The following CEP152 variants were observed in gnomAD, a reference collection of about 807,000 sequenced individuals.
CEP152 encodes centrosomal protein of 152 kDa.
In CEP152, 132 loss-of-function variants were observed where a neutral mutation model predicts 188.9. The observed-to-expected ratio is 0.70, with a 90% CI of 0.61 to 0.81. The LOEUF is 0.81. Among genes scored for constraint, CEP152 ranks in the 30% least tolerant of loss-of-function variants. The probability of loss-of-function intolerance (pLI) is 0.00; values close to 1 mark genes in which losing one functional copy is unlikely to be tolerated. For synonymous variants in CEP152, 649 were observed against 666.6 expected, an observed-to-expected ratio of 0.97 and a Z score of 0.41; for missense variants, 1,914 against 1,969.8, an observed-to-expected ratio of 0.97 and a Z score of 0.54.
chr15:48,758,718 C>CAAAAA (rs869223881), intron 19 of CEP152, among the ~76,000 whole-genome samples: 741 of 69,380 alleles, frequency 0.011, 35 homozygotes, highest in Non-Finnish European at 0.015. Flanking sequence ...GACTCCATCT[C>CAAAAA]AAAAAAAAAA....
intron 18 of CEP152, among the ~76,000 whole-genome samples, chr15:48,760,699 G>A (rs768713741): frequency 2.6e-5 from 4 of 152,110 alleles, no homozygotes; most frequent in Admixed American, 6.5e-5. Context: ...CTAGTTTAGA[G>A]CCCTACACCT....
chr15:48,767,166 T>A lies in CEP152; in HGVS notation c.2174A>T (p.Glu725Val). 6.2e-7 allele frequency: 1 copy of A among 1,613,856 alleles called. No homozygotes were observed. The highest frequency in any genetic ancestry group is 8.5e-7 in the Non-Finnish European group (1 of 1,180,026). The change falls in exon 17 of 27, where the codon GAG becomes GTG. Residue 725 changes from glutamate to valine, a missense_variant. By Grantham distance (121) the Glu-to-Val change is moderately radical. Transcript: ENST00000380950. ...GTAACATTCCTGCACAGCAGTCACC[T>A]CCTTATTCAACTTATCCAACTCAGA... ...LRSELDKLNK[E>V]VTAVQECYLE...
At chr15:48,755,831 G>GA (rs1324122741) in intron 20 of CEP152, 72 bp downstream of exon 20, 7 of 1,597,564 alleles carry the variant, frequency 4.4e-6, no homozygotes, top group Non-Finnish European at 4.2e-6. Context: ...AGGAAAAAAG[G>GA]AAAAAACACT....
intron 26 of CEP152, chr15:48,741,363 T>G: frequency 7.5e-7 from 1 of 1,328,604 alleles, no homozygotes; most frequent in African/African-American, 1.5e-5. Context: ...GTTTAAAATC[T>G]TTTCTATCAT....
chr15:48,797,170 T>C (rs1179218407), intron 5 of CEP152, 131 bp downstream of exon 5: 6 of 964,294 alleles, frequency 6.2e-6, no homozygotes, highest in Non-Finnish European at 9.8e-6. Flanking sequence ...CCTGAATAAG[T>C]GCCCTCTCAG....
chr15:48,807,497 G>T (rs1473795012), intron 1 of CEP152, among the ~76,000 whole-genome samples: 1 of 151,362 alleles, frequency 6.6e-6, no homozygotes, highest in Admixed American at 6.6e-5. Context: ...GGAGCTTGCA[G>T]TGAGCCGAGA....
intron 7 of CEP152, among the ~76,000 whole-genome samples, chr15:48,792,859 C>A (rs986262133): frequency 6.6e-6 from 1 of 151,724 alleles, no homozygotes; most frequent in African/African-American, 2.4e-5. Context: ...CTCTGTCACC[C>A]AGCCTGAAGT....
intron 20 of CEP152, among the ~76,000 whole-genome samples, chr15:48,753,661 A>G (rs1894050626): frequency 6.6e-6 from 1 of 152,212 alleles, no homozygotes; most frequent in South Asian, 2.1e-4. Flanking sequence ...AAAAGTCAAG[A>G]TAACAGAAAA....
intron 1 of CEP152, 107 bp from the exon 2 acceptor site, chr15:48,805,763 A>T: frequency 6.8e-7 from 1 of 1,464,244 alleles, no homozygotes; most frequent in Non-Finnish European, 9.4e-7. Context: ...ACAGAAACAG[A>T]CTGGGAGAAA....
chr15:48,765,843 G>A (rs1018547187), intron 17 of CEP152, among the ~76,000 whole-genome samples: 4 of 151,348 alleles, frequency 2.6e-5, no homozygotes, highest in South Asian at 2.1e-4. Context: ...TAGTAGAGAC[G>A]GGGTTTCACC....
At chr15:48,805,435 G>T in intron 2 of CEP152, 128 bp downstream of exon 2, 1 of 1,278,240 alleles carries the variant, frequency 7.8e-7, no homozygotes, top group Non-Finnish European at 1.1e-6. Context: ...AGATTTTAGG[G>T]TTGTTTTTTT....
intron 12 of CEP152, among the ~76,000 whole-genome samples, chr15:48,780,427 T>A (rs761598264): frequency 6.6e-6 from 1 of 152,170 alleles, no homozygotes; most frequent in Non-Finnish European, 1.5e-5. Flanking sequence ...TAGAGCAAAC[T>A]TTTCAGGACA....
At chr15:48,748,319 C>T in intron 22 of CEP152, 124 bp downstream of exon 22, 2 of 1,283,666 alleles carry the variant, frequency 1.6e-6, no homozygotes, top group South Asian at 2.9e-5. Context: ...AAATAAGATC[C>T]AAATTAGTTT....
intron 1 of CEP152, among the ~76,000 whole-genome samples, chr15:48,806,962 T>G (rs1437876248): frequency 6.6e-6 from 1 of 152,100 alleles, no homozygotes; most frequent in Non-Finnish European, 1.5e-5. Context: ...TGAACTTCAG[T>G]GGTAAAAATC....
At chr15:48,790,848 G>A (rs1010116066) in intron 8 of CEP152, among the ~76,000 whole-genome samples, 8 of 152,158 alleles carry the variant, frequency 5.3e-5, no homozygotes, top group Non-Finnish European at 1.0e-4. Flanking sequence ...GATTACAGGC[G>A]TGAGCCACTG....
At chr15:48,735,803 G>T (rs371537791), downstream of CEP152, among the ~76,000 whole-genome samples, 6 of 151,860 alleles carry the variant, frequency 4.0e-5, no homozygotes, top group African/African-American at 1.4e-4. Context: ...AGAAGGAAGA[G>T]GGAAAAATCA....
chr15:48,759,106 G>T (rs8027473), intron 19 of CEP152, among the ~76,000 whole-genome samples: 50,480 of 151,826 alleles, frequency 0.33, 11,737 homozygotes, highest in East Asian at 0.63. Flanking sequence ...TTTATCATGT[G>T]TTATCCATTT....
At chr15:48,737,081 T>G (rs935766904), downstream of CEP152, among the ~76,000 whole-genome samples, 10 of 152,180 alleles carry the variant, frequency 6.6e-5, no homozygotes, top group Admixed American at 5.2e-4. Context: ...TTAGACTTAT[T>G]TATCCCTGGT....
At chr15:48,740,839 C>T in intron 26 of CEP152, 1 of 167,432 alleles carries the variant, frequency 6.0e-6, no homozygotes, top group Non-Finnish European at 1.2e-5. Flanking sequence ...GTTGTTGTTG[C>T]CCAGCTCAAT....
Sources: gnomAD v4.1 joint callset for allele counts (sites outside exome capture counted in the v4.1 genomes callset) on GRCh38, gnomAD v4.1.1 for gene constraint, MANE v1.5 for transcripts, NCBI Gene and HGNC (gene_info 2026-07-23, HGNC 2026-07-21) for gene names.